FARS2: variants seen among roughly 807,000 people sequenced by gnomAD.
FARS2 encodes phenylalanine--tRNA ligase, mitochondrial.
In FARS2, 40 loss-of-function variants were observed where a neutral mutation model predicts 46.4. The ratio of observed to expected loss-of-function variants is 0.86; its 90% confidence interval spans 0.67 to 1.12. The LOEUF (loss-of-function observed/expected upper bound fraction) is 1.12, where lower values mean the gene tolerates loss of function less well. FARS2 is among the 50% of genes most tolerant of loss of function. FARS2 has a pLI of 0.00. For missense variants in FARS2, 513 were observed against 567.9 expected (o/e 0.90, Z 0.98); for synonymous variants, 234 against 214.9 (o/e 1.09, Z -0.78).
intron 5 of FARS2, among the ~76,000 whole-genome samples, chr6:5,562,718 AC>A (rs1561715083): frequency 8.6e-5 from 13 of 151,920 alleles, no homozygotes; most frequent in East Asian, 3.9e-4. Context: ...ACACACACAC[AC>A]ACACACACAG....
intron 1 of FARS2, among the ~76,000 whole-genome samples, chr6:5,338,378 G>T (rs1462598944): frequency 6.6e-6 from 1 of 151,960 alleles, no homozygotes; most frequent in African/African-American, 2.4e-5. Flanking sequence ...GTGTGTTTTC[G>T]TCTCCCTTTC....
chr6:5,293,280 G>A (rs1561937298), intron 1 of FARS2, among the ~76,000 whole-genome samples: 1 of 152,192 alleles, frequency 6.6e-6, no homozygotes, highest in African/African-American at 2.4e-5. Flanking sequence ...GAGAGGGGAT[G>A]CTTTTTGTTT....
At position 5,434,860 on chromosome 6, in the gene FARS2, C is replaced by T. The variant is rs78535885; in HGVS notation, c.904+3688C>T. Among the ~76,000 whole-genome samples the T allele has an allele frequency of 5.7e-3, 875 of 152,220 alleles. 13 individuals carry two copies. Among genetic ancestry groups the T allele is most frequent in the East Asian group, 0.018 (93 of 5,180 alleles). On this transcript the variant is annotated intron_variant, in intron 4 of 6. Coordinates refer to ENST00000274680, the MANE Select transcript of FARS2 (RefSeq NM_006567.5). ...AAGAAACAATATAATTGATGACTCC[C>T]CTTTAAGGTTCTTATAGAGAATCAG...
intron 6 of FARS2, among the ~76,000 whole-genome samples, chr6:5,650,678 C>T (rs901811701): frequency 1.3e-5 from 2 of 152,140 alleles, no homozygotes; most frequent in Admixed American, 6.5e-5. Flanking sequence ...GGGGTTTCAC[C>T]GTGTTAGCCA....
chr6:5,589,151 G>T (rs577337056), intron 5 of FARS2, among the ~76,000 whole-genome samples: 6 of 152,292 alleles, frequency 3.9e-5, no homozygotes, highest in African/African-American at 1.4e-4. Context: ...GGTCCATAGG[G>T]AGGAGGTGGT....
intron 6 of FARS2, among the ~76,000 whole-genome samples, chr6:5,726,950 T>C (rs976489860): frequency 5.3e-5 from 8 of 152,216 alleles, no homozygotes; most frequent in African/African-American, 1.7e-4. Context: ...GGCTATCCCA[T>C]TGATGGTCTT....
rs1043448349 is a variant in FARS2, at chr6:5,279,197, G to A, written c.-22+17537G>A. On this transcript the variant is annotated intron_variant, in intron 1 of 6. Transcript: ENST00000274680. ...TCGAGAACACCCTGGCTAACACGGT[G>A]AAACCCCGTCTCTACTAAAAATACA... 1.3e-5 allele frequency among the ~76,000 whole-genome samples: 2 copies of A among 151,862 alleles called. 1 individual carries two copies. Among genetic ancestry groups the A allele is most frequent in the African/African-American group, 4.8e-5 (2 of 41,296 alleles).
intron 5 of FARS2, among the ~76,000 whole-genome samples, chr6:5,585,991 G>T (rs143199266): frequency 6.6e-6 from 1 of 151,968 alleles, no homozygotes; most frequent in African/African-American, 2.4e-5. Context: ...AGGAAGCAGC[G>T]TACTATTTTC....
intron 4 of FARS2, among the ~76,000 whole-genome samples, chr6:5,450,258 G>A (rs897780720): frequency 6.6e-6 from 1 of 151,982 alleles, no homozygotes. Flanking sequence ...TGCACTGTGG[G>A]AAGAGTAGGA....
At chr6:5,556,263 T>C (rs1771650811) in intron 5 of FARS2, among the ~76,000 whole-genome samples, 2 of 152,068 alleles carry the variant, frequency 1.3e-5, no homozygotes, top group African/African-American at 4.8e-5. Context: ...CTGGATGGGA[T>C]TAGTGGGGAG....
chr6:5,349,745 G>A (rs1356008307), intron 1 of FARS2, among the ~76,000 whole-genome samples: 1 of 151,944 alleles, frequency 6.6e-6, no homozygotes, highest in Non-Finnish European at 1.5e-5. Flanking sequence ...ATCTTTTCCG[G>A]GCTGTGACTG....
intron 1 of FARS2, among the ~76,000 whole-genome samples, chr6:5,271,322 C>T (rs1046073166): frequency 6.6e-6 from 1 of 152,164 alleles, no homozygotes; most frequent in African/African-American, 2.4e-5. Flanking sequence ...CCTCTCCGTT[C>T]ATGTCACTGG....
the FARS2 span, among the ~76,000 whole-genome samples, chr6:5,250,709 T>C: frequency 7.0e-6 from 1 of 141,996 alleles, no homozygotes; most frequent in Non-Finnish European, 1.5e-5. Flanking sequence ...TCCAGTAATA[T>C]AAATTCAGAA....
At chr6:5,464,720 C>T (rs1285666670) in intron 4 of FARS2, among the ~76,000 whole-genome samples, 4 of 152,052 alleles carry the variant, frequency 2.6e-5, no homozygotes, top group African/African-American at 4.8e-5. Flanking sequence ...ACCAGCATTC[C>T]GTACATTTTT....
At chr6:5,250,810 A>G in the FARS2 span, among the ~76,000 whole-genome samples, 15 of 152,268 alleles carry the variant, frequency 9.9e-5, no homozygotes, top group African/African-American at 3.6e-4. Context: ...CTATGTTCTT[A>G]CATATGGTAT....
chr6:5,673,660 TTGC>T (rs774401652), intron 6 of FARS2, among the ~76,000 whole-genome samples: 10 of 152,174 alleles, frequency 6.6e-5, no homozygotes, highest in Non-Finnish European at 1.2e-4. Context: ...TGAAGCTTCT[TTGC>T]TGCCATGTCG....
At chr6:5,393,432 G>A (rs1015535007) in intron 2 of FARS2, among the ~76,000 whole-genome samples, 7 of 151,976 alleles carry the variant, frequency 4.6e-5, no homozygotes, top group East Asian at 1.9e-4. Context: ...TGAGGTGGGC[G>A]GATCGCGAGG....
intron 4 of FARS2, among the ~76,000 whole-genome samples, chr6:5,514,096 A>G (rs1287080205): frequency 1.3e-5 from 2 of 150,460 alleles, no homozygotes; most frequent in Non-Finnish European, 2.9e-5. Context: ...GGACATATAT[A>G]TATATATATA....
At chr6:5,616,260 C>T (rs890258206) in intron 6 of FARS2, among the ~76,000 whole-genome samples, 3 of 152,082 alleles carry the variant, frequency 2.0e-5, no homozygotes, top group Non-Finnish European at 2.9e-5. Context: ...CTGTGGAGTG[C>T]CAATTCAGCC....
Sources: gnomAD v4.1 joint callset for allele counts (sites outside exome capture counted in the v4.1 genomes callset) on GRCh38, gnomAD v4.1.1 for gene constraint, MANE v1.5 for transcripts, NCBI Gene and HGNC (gene_info 2026-07-23, HGNC 2026-07-21) for gene names.